The following SNTB2 variants were observed in gnomAD, a reference collection of about 807,000 sequenced individuals.
The protein encoded by SNTB2 is syntrophin beta 2.
A neutral mutation model predicts 46.2 loss-of-function variants in SNTB2; 34 were observed. The observed-to-expected ratio is 0.74, with a 90% CI of 0.56 to 0.98. The LOEUF is 0.98. Ranked by LOEUF, SNTB2 falls within the 50% of genes least tolerant of loss-of-function variation. SNTB2 has a pLI of 0.00. For synonymous variants in SNTB2, 290 were observed against 312.6 expected (o/e 0.93, Z 0.76); for missense variants, 603 against 731.4 (o/e 0.82, Z 2.02).
chr16:69,289,917 G>C (rs1965144404), intron 5 of SNTB2, among the ~76,000 whole-genome samples: 1 of 152,116 alleles, frequency 6.6e-6, no homozygotes, highest in South Asian at 2.1e-4. Context: ...ACAAGACCCT[G>C]TCTCAAAAGA....
chr16:69,259,112 T>C (rs1964807956), intron 2 of SNTB2, among the ~76,000 whole-genome samples: 1 of 152,038 alleles, frequency 6.6e-6, no homozygotes, highest in African/African-American at 2.4e-5. Flanking sequence ...AGTGATCTAC[T>C]GTAGACTCTA....
chr16:69,240,601 A>G (rs1336692216), intron 1 of SNTB2: 2 of 152,230 alleles, frequency 1.3e-5, no homozygotes, highest in South Asian at 2.1e-4. Context: ...TAATCCAGGA[A>G]CAAACTTGCT....
At chr16:69,217,564 A>G (rs1567400182) in intron 1 of SNTB2, among the ~76,000 whole-genome samples, 1 of 152,224 alleles carries the variant, frequency 6.6e-6, no homozygotes, top group Non-Finnish European at 1.5e-5. Context: ...TGACTACTTC[A>G]GTTTTTAACT....
At chr16:69,236,200 A>G (rs947886961) in intron 1 of SNTB2, among the ~76,000 whole-genome samples, 2 of 152,078 alleles carry the variant, frequency 1.3e-5, no homozygotes, top group African/African-American at 4.8e-5. Context: ...AAGAGAAGAG[A>G]TGGTTGGAAA....
chr16:69,297,499 T>C (rs1407713716), intron 5 of SNTB2, among the ~76,000 whole-genome samples: 1 of 150,574 alleles, frequency 6.6e-6, no homozygotes, highest in Non-Finnish European at 1.5e-5. Flanking sequence ...GCTCCTGTAA[T>C]CCCAGCTACT....
At position 69,187,206 on chromosome 16, in the gene SNTB2, C is replaced by T. The variant is rs1317999359; in HGVS notation, c.40C>T (p.Pro14Ser). ...GGCGACTGCGGCGGCTGGAGCGGGG[C>T]CGGCCATGGCGGTGTGGACGCGGGC... ...AAATAAAGAG[P>S]AMAVWTRATK... Residue 14 changes from proline to serine, a missense_variant, in exon 1 of 7, where the codon CCG becomes TCG. Physicochemically the swap from Pro to Ser is moderately conservative, Grantham distance 74. Around this residue, in one of 2 missense-constraint regions of SNTB2, gnomAD observed 66 missense variants for 39.0 expected, o/e 1.69. Transcript: ENST00000336278. 7.1e-6 allele frequency: 10 copies of T among 1,409,746 alleles called. No homozygotes were observed. Among genetic ancestry groups the T allele is most frequent in the African/African-American group, 3.0e-5 (2 of 67,686 alleles). The allele number at this position is 1,409,746 out of a possible 1,614,324, so 87.3% of individuals were successfully genotyped here. A position where few individuals can be genotyped will look rare whatever the true frequency, so the allele number is the denominator to read the frequency against.
At position 69,306,481 on chromosome 16, in the gene SNTB2, T is replaced by C. The variant is rs1228340903; in HGVS notation, c.*5557T>C. 1 of 152,266 alleles carries C rather than the reference T, an allele frequency of 6.6e-6. No individual in the cohort carries two copies. The highest frequency in any genetic ancestry group is 1.5e-5 in the Non-Finnish European group (1 of 68,054). The allele number at this position is 152,266 out of a possible 1,614,324, so 9.4% of individuals were successfully genotyped here. Reference sequence around the variant, plus strand: ...GCATAAATATGCCTTTTGCAAATTATTGCTTGTTCTCCAGTGAACATTTGA... The same window carrying C: ...GCATAAATATGCCTTTTGCAAATTACTGCTTGTTCTCCAGTGAACATTTGA... On this transcript the variant is annotated 3_prime_UTR_variant, in exon 7 of 7. Coordinates refer to ENST00000336278, the MANE Select transcript of SNTB2 (RefSeq NM_006750.4).
chr16:69,243,961 C>T (rs1040983997), intron 1 of SNTB2, among the ~76,000 whole-genome samples: 4 of 152,096 alleles, frequency 2.6e-5, no homozygotes, highest in African/African-American at 9.7e-5. Context: ...AACTCTTCTA[C>T]TGATTACCAT....
intron 5 of SNTB2, among the ~76,000 whole-genome samples, chr16:69,298,947 A>G (rs1965253286): frequency 6.6e-6 from 1 of 152,036 alleles, no homozygotes; most frequent in Non-Finnish European, 1.5e-5. Flanking sequence ...ACAATTGGGG[A>G]TTTCCTGTCT....
chr16:69,193,293 T>C (rs1964071855), intron 1 of SNTB2, among the ~76,000 whole-genome samples: 2 of 149,514 alleles, frequency 1.3e-5, no homozygotes, highest in Admixed American at 1.3e-4. Context: ...TAATTTTTCA[T>C]TGAAAGAGAC....
chr16:69,187,485 G>T lies in SNTB2; in HGVS notation c.319G>T (p.Ala107Ser). ...GCCGCCTCGGGGCCCCGCGGGTGAG[G>T]CGGGCGCGTCGCCGCCCGTGCGCCG... ...PAPPRGPAGEAGASPPVRRVR... is the reference protein window; with the variant it reads ...PAPPRGPAGESGASPPVRRVR... The change falls in exon 1 of 7, where the codon GCG (alanine) becomes TCG (serine). Residue 107 changes from alanine to serine, a missense_variant. By Grantham distance (99) the Ala-to-Ser change is moderately conservative. Around this residue, in one of 2 missense-constraint regions of SNTB2, gnomAD observed 537 missense variants for 692.4 expected, o/e 0.78. Coordinates refer to ENST00000336278, the MANE Select transcript of SNTB2 (RefSeq NM_006750.4). 1 of 1,236,700 alleles carries T rather than the reference G, an allele frequency of 8.1e-7. No homozygotes were observed. The allele number at this position is 1,236,700 out of a possible 1,614,324, so 76.6% of individuals were successfully genotyped here. A position where few individuals can be genotyped will look rare whatever the true frequency, so the allele number is the denominator to read the frequency against.
chr16:69,271,886 T>C (rs1964940963), intron 4 of SNTB2, among the ~76,000 whole-genome samples: 1 of 152,080 alleles, frequency 6.6e-6, no homozygotes, highest in Non-Finnish European at 1.5e-5. Flanking sequence ...GGCTATAGAG[T>C]AGATTAGGCA....
chr16:69,224,014 A>G (rs1964433593), intron 1 of SNTB2, among the ~76,000 whole-genome samples: 3 of 151,928 alleles, frequency 2.0e-5, no homozygotes, highest in African/African-American at 4.8e-5. Context: ...ATGTCCCTCA[A>G]TTGGGTTTGT....
At chr16:69,282,289 C>T (rs1473603358) in intron 4 of SNTB2, among the ~76,000 whole-genome samples, 3 of 149,338 alleles carry the variant, frequency 2.0e-5, no homozygotes, top group Admixed American at 6.6e-5. Flanking sequence ...GGTGAAACCC[C>T]GTCTCTACTA....
intron 4 of SNTB2, among the ~76,000 whole-genome samples, chr16:69,274,128 A>G (rs1038509508): frequency 1.3e-5 from 2 of 151,674 alleles, no homozygotes; most frequent in South Asian, 4.2e-4. Flanking sequence ...CCTGACCAAC[A>G]TGGAGAAACC....
At chr16:69,299,331 C>T (rs1478974526) in intron 5 of SNTB2, among the ~76,000 whole-genome samples, 1 of 151,796 alleles carries the variant, frequency 6.6e-6, no homozygotes, top group African/African-American at 2.4e-5. Flanking sequence ...TTAGTAGAGA[C>T]GGGGTTTCAC....
At chr16:69,290,364 C>A (rs1002220207) in intron 5 of SNTB2, among the ~76,000 whole-genome samples, 1 of 151,956 alleles carries the variant, frequency 6.6e-6, no homozygotes, top group Non-Finnish European at 1.5e-5. Flanking sequence ...TTAAGTCATA[C>A]GAGAACTTTA....
At chr16:69,206,552 G>A (rs1379893180) in intron 1 of SNTB2, among the ~76,000 whole-genome samples, 2 of 151,664 alleles carry the variant, frequency 1.3e-5, no homozygotes, top group East Asian at 4.0e-4. Context: ...TTAGCCGGGC[G>A]TGGTGGTGCA....
rs1186841401 is a variant in SNTB2, at chr16:69,206,304, T to C, written c.580+18558T>C. ...CATGAGTCACTGTTCCCTGCCTCCTTCTACCTTTTAGCTTTTTGTTTAGCG... is the reference window on the plus strand; with the variant it reads ...CATGAGTCACTGTTCCCTGCCTCCTCCTACCTTTTAGCTTTTTGTTTAGCG... On this transcript the variant is annotated intron_variant, in intron 1 of 6. Coordinates refer to ENST00000336278, the MANE Select transcript of SNTB2 (RefSeq NM_006750.4). 4.6e-5 allele frequency among the ~76,000 whole-genome samples: 7 copies of C among 152,152 alleles called. No homozygotes were observed. In the East Asian group the frequency reaches 1.2e-3, roughly 25 times the overall value.
Sources: allele counts gnomAD v4.1 joint callset (sites outside exome capture counted in the v4.1 genomes callset), GRCh38; gene constraint gnomAD v4.1.1; regional missense constraint gnomAD v4.1.1; transcripts MANE v1.5; gene names NCBI Gene and HGNC (gene_info 2026-07-23, HGNC 2026-07-21).